ATP4A: variants seen among roughly 807,000 people sequenced by gnomAD.
ATP4A encodes ATPase H+/K+ transporting subunit alpha.
ATP4A carries 73 observed loss-of-function variants against 112.1 expected under a neutral mutation model. The observed-to-expected ratio is 0.65, with a 90% CI of 0.54 to 0.79. The LOEUF (loss-of-function observed/expected upper bound fraction) is 0.79. Ranked by LOEUF, ATP4A falls within the 30% of genes least tolerant of loss-of-function variation. The pLI, the probability that ATP4A is intolerant of heterozygous loss-of-function variation, is 0.00. For missense variants in ATP4A, 1,081 were observed against 1,425.9 expected (o/e 0.76, Z 3.90); for synonymous variants, 588 against 588.9 (o/e 1.00, Z 0.02).
chr19:35,562,979 C>T (rs1210867419), intron 3 of ATP4A, among the ~76,000 whole-genome samples: 2 of 150,816 alleles, frequency 1.3e-5, no homozygotes, highest in Non-Finnish European at 3.0e-5. Context: ...TCTCCCTCTC[C>T]CTCTCTCTCC....
chr19:35,561,235 C>T (rs1429137376), intron 4 of ATP4A, among the ~76,000 whole-genome samples: 3 of 152,088 alleles, frequency 2.0e-5, no homozygotes, highest in Non-Finnish European at 4.4e-5. Context: ...TCACTGTGTG[C>T]CTTGGTCTGA....
rs2071594720 is a variant in ATP4A at position 35,550,437 on chromosome 19, G to C, written c.*178C>G. On this transcript the variant is annotated 3_prime_UTR_variant, in exon 22 of 22. Coordinates refer to ENST00000262623, the MANE Select transcript of ATP4A (RefSeq NM_000704.3). The surrounding 1 kb of genome is among the most constrained non-coding windows in gnomAD (Gnocchi z 4.1). The stretch of plus-strand genomic sequence containing the variant: ...TCCAGGAGGTGCGAACCTTGGGAAT[G>C]GGGGAGGGGAGTGGGCAGGTCCCTC... The C allele has an allele frequency of 3.9e-6, 3 of 768,540 alleles. No homozygotes were observed. Among genetic ancestry groups the C allele is most frequent in the Non-Finnish European group, 6.2e-6 (3 of 482,550 alleles). The allele number at this position is 768,540 out of a possible 1,614,324, so 47.6% of individuals were successfully genotyped here.
chr19:35,558,761 C>T lies in ATP4A; in HGVS notation c.1256-75G>A. 6.9e-7 allele frequency: 1 copy of T among 1,448,886 alleles called. No homozygotes were observed. The highest frequency in any genetic ancestry group is 2.5e-5 in the East Asian group (1 of 40,678). The allele number at this position is 1,448,886 out of a possible 1,614,324, so 89.8% of individuals were successfully genotyped here. A position where few individuals can be genotyped will look rare whatever the true frequency, so the allele number is the denominator to read the frequency against. Reference sequence around the variant, plus strand: ...CAGAACCGAGCCCCCTCCTCCTAGGCTCATATCGCGGGCCCCCTCCCCAGA... The same window carrying T: ...CAGAACCGAGCCCCCTCCTCCTAGGTTCATATCGCGGGCCCCCTCCCCAGA... On this transcript the variant is annotated intron_variant, in intron 8 of 21. Coordinates refer to ENST00000262623, the MANE Select transcript of ATP4A (RefSeq NM_000704.3). The surrounding 1 kb of genome is among the most constrained non-coding windows in gnomAD (Gnocchi z 5.1).
chr19:35,554,771 A>C, intron 16 of ATP4A, 151 bp downstream of exon 16: 1 of 1,143,938 alleles, frequency 8.7e-7, no homozygotes. Context: ...CCTGCCACCC[A>C]TGTGTCCTGC....
rs1424341487 is a variant in ATP4A, at chr19:35,555,664, G to C, written c.2006+12C>G. 1.9e-6 allele frequency: 3 copies of C among 1,594,672 alleles called. No homozygotes were observed. The highest frequency in any genetic ancestry group is 1.1e-5 in the South Asian group (1 of 90,112). On this transcript the variant is annotated intron_variant, in intron 13 of 21. Coordinates refer to ENST00000262623, the MANE Select transcript of ATP4A (RefSeq NM_000704.3). This position sits in a 1 kb window ranked among gnomAD's most constrained non-coding sequence, Gnocchi z 6.6. ...TGTGGGGAGAACCCCGGGGAGGTCT[G>C]GGGGGGCTTACTTGCGATTAACCTG...
rs139184341 is a variant in ATP4A, at chr19:35,555,361, G to A, written c.2158-27C>T. On this transcript the variant is annotated intron_variant, in intron 14 of 21. Coordinates refer to ENST00000262623, the MANE Select transcript of ATP4A (RefSeq NM_000704.3). The surrounding 1 kb of genome is among the most constrained non-coding windows in gnomAD (Gnocchi z 6.6). ...TGCAGGCAGTGGGTGCAGGTGGTGG[G>A]TGGGTGGTCAGTGAGAGGCCGGTCC... 1.4e-3 allele frequency: 2,211 copies of A among 1,605,404 alleles called. 41 individuals carry two copies. The East Asian group carries it at 0.045, about 33-fold the overall frequency.
chr19:35,551,666 C>CA lies in ATP4A; in HGVS notation c.2752-87dup, dbSNP rs2071603026. On this transcript the variant is annotated intron_variant, in intron 18 of 21. Transcript: ENST00000262623. The surrounding 1 kb of genome is among the most constrained non-coding windows in gnomAD (Gnocchi z 5.2). ...CTGCAGCCCACCGGGCATAGGGTCC[C>CA]AGGGCCGTGAACCCCTAAATGCTCT... is the stretch of plus-strand genomic sequence containing the variant. The CA allele has an allele frequency of 1.3e-6, 2 of 1,530,744 alleles. No homozygotes were observed. The highest frequency in any genetic ancestry group is 1.4e-5 in the African/African-American group (1 of 72,790). 94.8% of individuals were successfully genotyped at this position (1,530,744 alleles called of 1,614,324 possible). A position where few individuals can be genotyped will look rare whatever the true frequency, so the allele number is the denominator to read the frequency against.
Position 35,557,999 on chromosome 19 carries a change from G to T in ATP4A, c.1501-152C>A. Reference sequence around the variant, plus strand: ...GGAAGGGTGAAGGTGGAAGATGGAGGCCTTGTGTGGAGGGGTCCTTGGTAG... The same window carrying T: ...GGAAGGGTGAAGGTGGAAGATGGAGTCCTTGTGTGGAGGGGTCCTTGGTAG... On this transcript the variant is annotated intron_variant, in intron 10 of 21. Coordinates refer to ENST00000262623, the MANE Select transcript of ATP4A (RefSeq NM_000704.3). This position sits in a 1 kb window ranked among gnomAD's most constrained non-coding sequence, Gnocchi z 4.4. 2.9e-6 allele frequency: 2 copies of T among 684,602 alleles called. No homozygotes were observed. The highest frequency in any genetic ancestry group is 3.0e-5 in the Admixed American group (1 of 32,806). 42.4% of individuals were successfully genotyped at this position (684,602 alleles called of 1,614,324 possible). A position where few individuals can be genotyped will look rare whatever the true frequency, so the allele number is the denominator to read the frequency against.
intron 4 of ATP4A, among the ~76,000 whole-genome samples, chr19:35,561,791 G>C (rs144960082): frequency 6.7e-6 from 1 of 149,106 alleles, no homozygotes; most frequent in Non-Finnish European, 1.5e-5. Context: ...CCTATTCCCC[G>C]TGCCTCAGTC....
chr19:35,555,799 G>T lies in ATP4A; in HGVS notation c.1883C>A (p.Thr628Lys). 6.2e-7 allele frequency: 1 copy of T among 1,612,268 alleles called. No individual in the cohort carries two copies. The highest frequency in any genetic ancestry group is 1.3e-5 in the African/African-American group (1 of 75,012). ...CTTGGCGGTGATGGGGTGGTCACCCGTTACCATGATCACCTGTAGGGGGAA... is the reference window on the plus strand; with the variant it reads ...CTTGGCGGTGATGGGGTGGTCACCCTTTACCATGATCACCTGTAGGGGGAA... ...RTAGIRVIMV[T>K]GDHPITAKAI... Residue 628 changes from threonine (T) to lysine (K), a missense_variant, in exon 13 of 22, where the codon ACG becomes AAG. Coordinates refer to ENST00000262623, the MANE Select transcript of ATP4A (RefSeq NM_000704.3). This position sits in a 1 kb window ranked among gnomAD's most constrained non-coding sequence, Gnocchi z 6.6.
chr19:35,555,326 A>G lies in ATP4A; in HGVS notation c.2166T>C (p.Ile722=), dbSNP rs373420886. ...IVESCQRLGA[I]VAVTGDGVND... is the part of the protein sequence containing the mutation. ...TCACACCATCCCCCGTGACGGCCAC[A>G]ATCGCACCCTGCAGGCAGTGGGTGC... The change falls in exon 15 of 22, where the codon ATT becomes ATC. Residue 722 remains isoleucine, a synonymous_variant. Coordinates refer to ENST00000262623, the MANE Select transcript of ATP4A (RefSeq NM_000704.3). This position sits in a 1 kb window ranked among gnomAD's most constrained non-coding sequence, Gnocchi z 6.6. The G allele has an allele frequency of 2.0e-5, 32 of 1,613,308 alleles. No individual in the cohort carries two copies. Among genetic ancestry groups the G allele is most frequent in the Non-Finnish European group, 2.5e-5 (29 of 1,179,554 alleles).
intron 18 of ATP4A, 105 bp downstream of exon 18, chr19:35,552,932 T>C (rs926702382): frequency 3.0e-5 from 43 of 1,412,008 alleles, no homozygotes; most frequent in Non-Finnish European, 4.0e-5. Flanking sequence ...CGGGATGCTC[T>C]GGCTGAACTC....
rs143898425 is a variant in ATP4A, at chr19:35,555,320, G to A, written c.2172C>T (p.Ala724=). The part of the protein sequence containing the change: ...ESCQRLGAIV[A]VTGDGVNDSP... Reference sequence around the variant, plus strand: ...AGTCATTCACACCATCCCCCGTGACGGCCACAATCGCACCCTGCAGGCAGT... The same window carrying A: ...AGTCATTCACACCATCCCCCGTGACAGCCACAATCGCACCCTGCAGGCAGT... The change falls in exon 15 of 22, where the codon GCC becomes GCT. Residue 724 remains alanine (A), a synonymous_variant. Transcript: ENST00000262623. The surrounding 1 kb of genome is among the most constrained non-coding windows in gnomAD (Gnocchi z 6.6). 7.2e-5 allele frequency: 117 copies of A among 1,613,804 alleles called. 1 individual carries two copies. Among genetic ancestry groups the A allele is most frequent in the South Asian group, 5.1e-4 (46 of 91,020 alleles).
At position 35,554,844 on chromosome 19, in the gene ATP4A, G is replaced by T. The variant is rs926929127; in HGVS notation, c.2481+78C>A. On this transcript the variant is annotated intron_variant, in intron 16 of 21. Transcript: ENST00000262623. ...TCTGTGCCCAAGAGTGTCTGTGGTGGTCTCTGTCCCTCCTGTCCATCTGCA... is the reference window on the plus strand; with the variant it reads ...TCTGTGCCCAAGAGTGTCTGTGGTGTTCTCTGTCCCTCCTGTCCATCTGCA... 5 of 1,577,680 alleles carry T rather than the reference G, an allele frequency of 3.2e-6. No individual in the cohort carries two copies. In the African/African-American group the frequency reaches 5.4e-5, roughly 17 times the overall value.
At chr19:35,552,549 T>A (rs903639152) in intron 18 of ATP4A, among the ~76,000 whole-genome samples, 1 of 152,184 alleles carries the variant, frequency 6.6e-6, no homozygotes, top group Admixed American at 6.5e-5. Context: ...ACACAGCTTG[T>A]GAGAAGCAGT....
In ATP4A at chr19:35,559,317, C is replaced by T. The variant is rs2071653373; in HGVS notation, c.1057-126G>A. 2.0e-6 allele frequency: 2 copies of T among 987,108 alleles called. No individual in the cohort carries two copies. Among genetic ancestry groups the T allele is most frequent in the South Asian group, 3.0e-5 (2 of 66,324 alleles). The allele number at this position is 987,108 out of a possible 1,614,324, so 61.1% of individuals were successfully genotyped here. A position where few individuals can be genotyped will look rare whatever the true frequency, so the allele number is the denominator to read the frequency against. On this transcript the variant is annotated intron_variant, in intron 7 of 21. Coordinates refer to ENST00000262623, the MANE Select transcript of ATP4A (RefSeq NM_000704.3). This position sits in a 1 kb window ranked among gnomAD's most constrained non-coding sequence, Gnocchi z 4.1. The stretch of plus-strand genomic sequence containing the variant: ...TGCGTGTGCAACGTGCTTCTGCAAA[C>T]ACCAGGTGTTTTCTTGGCCCCAGCT...
At position 35,550,310 on chromosome 19, in the gene ATP4A, C is replaced by A. The variant is rs577177498; in HGVS notation, c.*305G>T. On this transcript the variant is annotated 3_prime_UTR_variant, in exon 22 of 22. Coordinates refer to ENST00000262623, the MANE Select transcript of ATP4A (RefSeq NM_000704.3). The surrounding 1 kb of genome is among the most constrained non-coding windows in gnomAD (Gnocchi z 4.1). ...GACTGGAGTCCTAAGAACAGAAACACCCTCCAGAAGCGGTCAGCTGTACTC... is the reference window on the plus strand; with the variant it reads ...GACTGGAGTCCTAAGAACAGAAACAACCTCCAGAAGCGGTCAGCTGTACTC... 2 of 438,792 alleles carry A rather than the reference C, an allele frequency of 4.6e-6. No homozygotes were observed. Among genetic ancestry groups the A allele is most frequent in the South Asian group, 5.5e-5 (2 of 36,116 alleles). The allele number at this position is 438,792 out of a possible 1,614,324, so 27.2% of individuals were successfully genotyped here.
chr19:35,562,311 T>G, intron 4 of ATP4A, 124 bp downstream of exon 4: 156 of 1,195,028 alleles, frequency 1.3e-4, no homozygotes, highest in Non-Finnish European at 1.7e-4. Context: ...ACCCCTGTCT[T>G]GAGACTGCCT....
rs1223822463 is a variant in ATP4A, at chr19:35,554,928, A to C, written c.2475T>G (p.Thr825=). ...CITILFIELC[T]DIFPSVSLAY... The stretch of plus-strand genomic sequence containing the variant: ...CCCTGGGCTGTGGACTTACAATGTC[A>C]GTGCAGAGTTCGATGAAGAGGATGG... The change falls in exon 16 of 22, where the codon ACT becomes ACG. Residue 825 remains threonine, a synonymous_variant. Transcript: ENST00000262623. 1 of 1,614,108 alleles carries C rather than the reference A, an allele frequency of 6.2e-7. No homozygotes were observed. The highest frequency in any genetic ancestry group is 1.7e-5 in the Admixed American group (1 of 60,018).
Sources: gnomAD v4.1 joint callset for allele counts (sites outside exome capture counted in the v4.1 genomes callset) on GRCh38, gnomAD v4.1.1 for gene constraint, Gnocchi (gnomAD v3.1) non-coding constraint, MANE v1.5 for transcripts, NCBI Gene and HGNC (gene_info 2026-07-23, HGNC 2026-07-21) for gene names.